IMMP2L: variants seen among roughly 807,000 people sequenced by gnomAD.
IMMP2L encodes inner mitochondrial membrane peptidase subunit 2, also known as mitochondrial inner membrane protease subunit 2.
A neutral mutation model predicts 19.3 loss-of-function variants in IMMP2L; 18 were observed. The ratio of observed to expected loss-of-function variants is 0.93; its 90% confidence interval spans 0.64 to 1.38. IMMP2L has a LOEUF of 1.38. Among genes scored for constraint, IMMP2L ranks in the 40% most tolerant of loss-of-function variants. The probability of loss-of-function intolerance (pLI) is 0.00; values close to 1 mark genes in which losing one functional copy is unlikely to be tolerated. For synonymous variants in IMMP2L, 76 were observed against 73.0 expected, an observed-to-expected ratio of 1.04 and a Z score of -0.21; for missense variants, 233 against 218.2, an observed-to-expected ratio of 1.07 and a Z score of -0.43.
rs573657968 is a variant in IMMP2L, at chr7:111,472,446, T to C, written c.239+14792A>G. Among the ~76,000 whole-genome samples the C allele has an allele frequency of 2.0e-5, 3 of 152,296 alleles. No individual in the cohort carries two copies. In the South Asian group the frequency reaches 6.2e-4, roughly 32 times the overall value. ...ATAGCTATAGTATATGATGATATAC[T>C]GTATTTCAAATTCTGGCAAGATTTA... On this transcript the variant is annotated intron_variant, in intron 3 of 5. Coordinates refer to ENST00000405709, the MANE Select transcript of IMMP2L (RefSeq NM_032549.4).
intron 3 of IMMP2L, among the ~76,000 whole-genome samples, chr7:111,460,605 T>G (rs550624293): frequency 2.6e-5 from 4 of 152,158 alleles, no homozygotes; most frequent in African/African-American, 2.4e-5. Context: ...CAGCAGTTAT[T>G]TGCAAATTTT....
chr7:110,948,013 A>C (rs1352316408), intron 4 of IMMP2L, among the ~76,000 whole-genome samples: 2 of 123,398 alleles, frequency 1.6e-5, no homozygotes, highest in African/African-American at 6.9e-5. Flanking sequence ...AAATATCAAC[A>C]ACTGTCAGCC....
chr7:111,414,521 G>A (rs1438173348), intron 3 of IMMP2L, among the ~76,000 whole-genome samples: 1 of 151,844 alleles, frequency 6.6e-6, no homozygotes, highest in Admixed American at 6.6e-5. Context: ...GCAGGAGGAA[G>A]ATAGAGATGA....
chr7:111,332,254 G>C (rs192222364), intron 3 of IMMP2L, among the ~76,000 whole-genome samples: 63 of 151,768 alleles, frequency 4.2e-4, no homozygotes, highest in African/African-American at 1.4e-3. Context: ...AAATCGAATA[G>C]TAAAAAAGGT....
intron 3 of IMMP2L, among the ~76,000 whole-genome samples, chr7:111,176,395 A>G (rs1807065099): frequency 6.6e-6 from 1 of 152,054 alleles, no homozygotes; most frequent in Non-Finnish European, 1.5e-5. Context: ...AAGAATGAAT[A>G]AAGAAAATGT....
At chr7:111,400,379 C>A (rs1833306087) in intron 3 of IMMP2L, among the ~76,000 whole-genome samples, 1 of 152,124 alleles carries the variant, frequency 6.6e-6, no homozygotes. Context: ...GCACAAAGAT[C>A]TCTTAAGATT....
chr7:111,539,466 T>G (rs1053746547), intron 1 of IMMP2L, among the ~76,000 whole-genome samples: 9 of 152,038 alleles, frequency 5.9e-5, no homozygotes, highest in African/African-American at 2.2e-4. Flanking sequence ...TAACAGCTGA[T>G]TTTTAGGAAG....
At chr7:110,860,519 A>G (rs115519236) in intron 5 of IMMP2L, among the ~76,000 whole-genome samples, 1,527 of 152,178 alleles carry the variant, frequency 0.01, 38 homozygotes, top group African/African-American at 0.035. Flanking sequence ...AAAATGTCTT[A>G]TTCTCTGCAA....
chr7:110,768,832 C>T (rs1192438153), intron 5 of IMMP2L, among the ~76,000 whole-genome samples: 1 of 152,144 alleles, frequency 6.6e-6, no homozygotes, highest in African/African-American at 2.4e-5. Flanking sequence ...TACTTCAAAA[C>T]CCATGTTGTC....
chr7:110,726,285 A>G (rs966667218), intron 5 of IMMP2L, among the ~76,000 whole-genome samples: 1 of 152,232 alleles, frequency 6.6e-6, no homozygotes, highest in Non-Finnish European at 1.5e-5. Context: ...TGTGAAATAT[A>G]TAACACTCCT....
intron 5 of IMMP2L, among the ~76,000 whole-genome samples, chr7:110,819,120 T>G (rs1473945837): frequency 1.3e-5 from 2 of 150,048 alleles, no homozygotes; most frequent in African/African-American, 2.5e-5. Context: ...AATAACAAAA[T>G]AAAAAAAAGA....
rs1843456016 is a variant in IMMP2L, at chr7:111,494,963, CT to C, written c.136-7623del. Reference sequence around the variant, plus strand: ...AAATTCTTTGTTGATTGTTTCCTCACTTTTTTAAAGCAAGTAAAGTTAGGAT... The same window carrying C: ...AAATTCTTTGTTGATTGTTTCCTCACTTTTTAAAGCAAGTAAAGTTAGGAT... On this transcript the variant is annotated intron_variant, in intron 2 of 5. Transcript: ENST00000405709. 1.3e-5 allele frequency among the ~76,000 whole-genome samples: 2 copies of C among 152,038 alleles called. 1 individual carries two copies. Among genetic ancestry groups the C allele is most frequent in the South Asian group, 4.1e-4 (2 of 4,822 alleles).
At chr7:111,424,369 C>T (rs971029727) in intron 3 of IMMP2L, among the ~76,000 whole-genome samples, 5 of 151,678 alleles carry the variant, frequency 3.3e-5, no homozygotes, top group African/African-American at 1.2e-4. Flanking sequence ...TAAAACCCAT[C>T]CGTTAATACT....
chr7:110,960,695 G>A (rs964137755), intron 4 of IMMP2L, among the ~76,000 whole-genome samples: 1 of 151,440 alleles, frequency 6.6e-6, no homozygotes, highest in Non-Finnish European at 1.5e-5. Context: ...AGTTCTTCTA[G>A]TTTAGAATGT....
intron 3 of IMMP2L, among the ~76,000 whole-genome samples, chr7:111,108,125 C>T (rs1453651897): frequency 2.6e-5 from 4 of 151,716 alleles, no homozygotes; most frequent in Non-Finnish European, 4.4e-5. Context: ...ATTCTTAACC[C>T]CAGTCTGGGT....
At chr7:111,030,012 C>G (rs994929969) in intron 3 of IMMP2L, among the ~76,000 whole-genome samples, 1 of 152,138 alleles carries the variant, frequency 6.6e-6, no homozygotes, top group Non-Finnish European at 1.5e-5. Context: ...ACCCAGTGGT[C>G]ACAACTGTTC....
At chr7:110,897,879 T>C (rs1811482374) in intron 4 of IMMP2L, among the ~76,000 whole-genome samples, 1 of 152,062 alleles carries the variant, frequency 6.6e-6, no homozygotes, top group African/African-American at 2.4e-5. Context: ...AGCCACTATA[T>C]GCAAATGTGA....
rs370020284 is a variant in IMMP2L, at chr7:111,465,690, G to A, written c.239+21548C>T. 9.8e-3 allele frequency among the ~76,000 whole-genome samples: 1,492 copies of A among 152,102 alleles called. 27 individuals carry two copies. The highest frequency in any genetic ancestry group is 0.033 in the African/African-American group (1,358 of 41,484). On this transcript the variant is annotated intron_variant, in intron 3 of 5. Transcript: ENST00000405709. The stretch of plus-strand genomic sequence containing the variant: ...TCAGGAAACAACAGGTGCTGGAGAG[G>A]ATGTGGAGAAATAGGAACACTTTTA...
intron 3 of IMMP2L, among the ~76,000 whole-genome samples, chr7:110,968,701 A>G (rs1819818242): frequency 6.6e-6 from 1 of 152,100 alleles, no homozygotes; most frequent in Admixed American, 6.6e-5. Flanking sequence ...ATTGAGAAGC[A>G]GACGATTTGC....
Sources: allele counts gnomAD v4.1 joint callset (sites outside exome capture counted in the v4.1 genomes callset), GRCh38; gene constraint gnomAD v4.1.1; transcripts MANE v1.5; gene names NCBI Gene and HGNC (gene_info 2026-07-23, HGNC 2026-07-21).